RAI2: variants seen among roughly 807,000 people sequenced by gnomAD.
RAI2 encodes the protein retinoic acid induced 2.
A neutral mutation model predicts 15.3 loss-of-function variants in RAI2; 5 were observed. The ratio of observed to expected loss-of-function variants is 0.33; its 90% CI spans 0.17 to 0.69. RAI2 has a LOEUF of 0.69. Ranked by LOEUF, RAI2 falls within the 30% of genes least tolerant of loss-of-function variation. The pLI is 0.69. For missense variants in RAI2, 424 were observed against 424.7 expected (o/e 1.00, Z 0.01); for synonymous variants, 191 against 184.0 (o/e 1.04, Z -0.31).
At chrX:17,838,467 C>G (rs962925202) in intron 1 of RAI2, among the ~76,000 whole-genome samples, 3 of 111,759 alleles carry the variant, frequency 2.7e-5, no homozygotes, top group Non-Finnish European at 5.6e-5. Context: ...AACTTAAGCC[C>G]TTGCCTAGAG....
chrX:17,857,491 G>C (rs905101230), intron 1 of RAI2, among the ~76,000 whole-genome samples: 1 of 111,759 alleles, frequency 8.9e-6, no homozygotes, highest in African/African-American at 3.3e-5. Context: ...TTGGTCCCTC[G>C]TGGACTTTGA....
rs1456946051 is a variant in RAI2 at position 17,820,856 on chromosome X, A to C, written c.-24-18822T>G. 5.4e-5 allele frequency among the ~76,000 whole-genome samples: 6 copies of C among 110,558 alleles called. No homozygotes were observed. In the Admixed American group the frequency reaches 5.8e-4, roughly 11 times the overall value. On this transcript the variant is annotated intron_variant, in intron 1 of 1. Transcript: ENST00000451717. ...TCTATGCCAACCTCTCAGCTGAAGA[A>C]GGAATCCTCTCCAGCCAAATCAGCA...
chrX:17,825,234 A>T (rs1236309113), intron 1 of RAI2, among the ~76,000 whole-genome samples: 1 of 113,259 alleles, frequency 8.8e-6, no homozygotes, highest in East Asian at 2.8e-4. Context: ...CCGCATAAAA[A>T]GCACAGTAAT....
Position 17,800,807 on chromosome X carries a change from T to C in RAI2, c.1204A>G (p.Ile402Val). The C allele has an allele frequency of 5.0e-6, 6 of 1,211,752 alleles. No homozygotes were observed. Among genetic ancestry groups the C allele is most frequent in the Non-Finnish European group, 6.7e-6 (6 of 895,355 alleles). Residue 402 changes from isoleucine to valine, a missense_variant, in exon 2 of 2, where the codon ATC becomes GTC. Physicochemically the swap from Ile to Val is conservative, Grantham distance 29. Transcript: ENST00000451717. ...TCGGTAGCAGCATCACTGCTGCTGA[T>C]GTGACTATCCATCATGGCTGGGGCC... ...HEAPAMMDSH[I>V]SSSDAATEML... is the part of the protein sequence containing the mutation.
Position 17,828,476 on chromosome X carries a change from A to G in RAI2, c.-24-26442T>C, listed in dbSNP as rs73447827. On this transcript the variant is annotated intron_variant, in intron 1 of 1. Transcript: ENST00000451717. Reference sequence around the variant, plus strand: ...CTTGGCTTGGCATTTGGTATTCCTCAAGCCCTTTTGCCTAATTACATTCTA... The same window carrying G: ...CTTGGCTTGGCATTTGGTATTCCTCGAGCCCTTTTGCCTAATTACATTCTA... 9.4e-3 allele frequency among the ~76,000 whole-genome samples: 1,053 copies of G among 111,897 alleles called. 12 individuals are homozygous for G. The highest frequency in any genetic ancestry group is 0.031 in the African/African-American group (968 of 30,767).
At chrX:17,847,744 T>C (rs777371370) in intron 1 of RAI2, among the ~76,000 whole-genome samples, 13 of 112,103 alleles carry the variant, frequency 1.2e-4, no homozygotes, top group African/African-American at 4.2e-4. Flanking sequence ...AGGCAGCAAA[T>C]AAGTATCCAT....
At chrX:17,859,804 T>C (rs756252452) in intron 1 of RAI2, among the ~76,000 whole-genome samples, 1 of 111,505 alleles carries the variant, frequency 9.0e-6, no homozygotes, top group Admixed American at 9.4e-5. Flanking sequence ...GGGAACACGG[T>C]CACCCAGACG....
intron 1 of RAI2, among the ~76,000 whole-genome samples, chrX:17,809,496 T>C (rs1309558151): frequency 8.9e-6 from 1 of 112,138 alleles, no homozygotes; most frequent in African/African-American, 3.2e-5. Flanking sequence ...AACTTATTTA[T>C]GTTTGTTTTA....
chrX:17,812,073 C>T (rs1459463265), intron 1 of RAI2, among the ~76,000 whole-genome samples: 2 of 111,962 alleles, frequency 1.8e-5, no homozygotes, highest in African/African-American at 6.5e-5. Flanking sequence ...GTACCATCAT[C>T]AATGTCATTA....
At position 17,815,935 on chromosome X, in the gene RAI2, T is replaced by C. The variant is rs146488788; in HGVS notation, c.-24-13901A>G. 5.4e-4 allele frequency among the ~76,000 whole-genome samples: 60 copies of C among 110,532 alleles called. No homozygotes were observed. The East Asian group carries it at 0.012, about 23-fold the overall frequency. ...AAGCCATCAATTCACTAGTGAGCCA[T>C]TAGGTTGGGAGGAAAAGATAAAACC... is the stretch of plus-strand genomic sequence containing the variant. On this transcript the variant is annotated intron_variant, in intron 1 of 1. Transcript: ENST00000451717.
intron 1 of RAI2, among the ~76,000 whole-genome samples, chrX:17,825,852 T>C (rs1376038540): frequency 8.9e-6 from 1 of 112,448 alleles, no homozygotes; most frequent in Non-Finnish European, 1.9e-5. Context: ...TGAAACCATA[T>C]GTTCTAAAAC....
chrX:17,854,223 C>G (rs184882773), intron 1 of RAI2, among the ~76,000 whole-genome samples: 51 of 112,001 alleles, frequency 4.6e-4, no homozygotes, highest in African/African-American at 1.5e-3. Context: ...CAAATGCCCT[C>G]AAAACTAGGA....
At chrX:17,851,129 G>A (rs2067528225) in intron 1 of RAI2, among the ~76,000 whole-genome samples, 1 of 112,140 alleles carries the variant, frequency 8.9e-6, no homozygotes, top group African/African-American at 3.2e-5. Flanking sequence ...CACAAACAAA[G>A]CTTGGGGTTT....
At chrX:17,846,565 A>T (rs1172909673) in intron 1 of RAI2, among the ~76,000 whole-genome samples, 8 of 112,282 alleles carry the variant, frequency 7.1e-5, no homozygotes, top group Non-Finnish European at 1.5e-4. Context: ...TTTTGTCCCC[A>T]GAATGGCTTC....
At chrX:17,855,873 T>G (rs2067596305) in intron 1 of RAI2, among the ~76,000 whole-genome samples, 1 of 112,655 alleles carries the variant, frequency 8.9e-6, no homozygotes, top group African/African-American at 3.2e-5. Context: ...TGAGCTATTT[T>G]GGATTCTTTT....
At chrX:17,855,099 G>T (rs934106078) in intron 1 of RAI2, among the ~76,000 whole-genome samples, 3 of 112,360 alleles carry the variant, frequency 2.7e-5, no homozygotes, top group Non-Finnish European at 3.8e-5. Flanking sequence ...TTCATCTGCT[G>T]TGCTATGGTT....
chrX:17,802,548 T>G (rs1212519633), intron 1 of RAI2, among the ~76,000 whole-genome samples: 1 of 111,762 alleles, frequency 8.9e-6, no homozygotes, highest in Non-Finnish European at 1.9e-5. Context: ...CCAAAAGAGG[T>G]TTGATAAGCA....
At chrX:17,853,015 G>C (rs1460065894) in intron 1 of RAI2, among the ~76,000 whole-genome samples, 1 of 109,697 alleles carries the variant, frequency 9.1e-6, no homozygotes, top group Non-Finnish European at 1.9e-5. Context: ...AATTGGCTCG[G>C]GCTTAAGATG....
chrX:17,800,969 C>T lies in RAI2; in HGVS notation c.1042G>A (p.Ala348Thr). Residue 348 changes from alanine (A) to threonine (T), a missense_variant, in exon 2 of 2, where the codon GCA becomes ACA. By Grantham distance (58) the Ala-to-Thr change is moderately conservative. Coordinates refer to ENST00000451717, the MANE Select transcript of RAI2 (RefSeq NM_021785.6). Reference sequence around the variant, plus strand: ...GGAGGCTCGGATTTCCGGTGGGCTGCCACTGACAGGTCTAGGGCTGCATCT... The same window carrying T: ...GGAGGCTCGGATTTCCGGTGGGCTGTCACTGACAGGTCTAGGGCTGCATCT... ...QEDAALDLSV[A>T]AHRKSEPPPE... 1 of 1,211,151 alleles carries T rather than the reference C, an allele frequency of 8.3e-7. No homozygotes were observed. The highest frequency in any genetic ancestry group is 3.0e-5 in the East Asian group (1 of 33,810).
Sources: gnomAD v4.1 joint callset for allele counts (sites outside exome capture counted in the v4.1 genomes callset) on GRCh38, gnomAD v4.1.1 for gene constraint, MANE v1.5 for transcripts, NCBI Gene and HGNC (gene_info 2026-07-23, HGNC 2026-07-21) for gene names.